TENM3: variants seen among roughly 807,000 people sequenced by gnomAD.
The protein encoded by TENM3 is teneurin transmembrane protein 3.
In TENM3, 63 loss-of-function variants were observed where a neutral mutation model predicts 255.1. That is an observed-to-expected ratio of 0.25 (90% CI 0.20 to 0.30). TENM3 has a LOEUF of 0.30. Among genes scored for constraint, TENM3 ranks in the 10% least tolerant of loss-of-function variants. TENM3 has a pLI of 1.00. For synonymous variants in TENM3, 1,306 were observed against 1,322.3 expected, an observed-to-expected ratio of 0.99 and a Z score of 0.27; for missense variants, 2,929 against 3,461.1, an observed-to-expected ratio of 0.85 and a Z score of 3.86.
the TENM3 span, among the ~76,000 whole-genome samples, chr4:181,924,759 G>C: frequency 2.0e-5 from 3 of 152,084 alleles, no homozygotes; most frequent in East Asian, 3.9e-4. Context: ...CTCCTCCAGA[G>C]ACCTGAACAC....
Position 182,799,955 on chromosome 4 carries a change from C to G in TENM3, c.7704C>G (p.Arg2568=). Residue 2568 remains arginine, a synonymous_variant, in exon 28 of 28, where the codon CGC becomes CGG. Coordinates refer to ENST00000511685, the MANE Select transcript of TENM3 (RefSeq NM_001080477.4). The surrounding 1 kb of genome is among the most constrained non-coding windows in gnomAD (Gnocchi z 4.2). ...DLGTLRLTSG[R]KALENGINVT... ...GCACGCTGCGGTTGACCAGCGGCCG[C>G]AAGGCGCTGGAGAACGGCATCAACG... The G allele has an allele frequency of 6.3e-7, 1 of 1,593,156 alleles. No individual in the cohort carries two copies. The highest frequency in any genetic ancestry group is 8.5e-7 in the Non-Finnish European group (1 of 1,170,420).
the TENM3 span, among the ~76,000 whole-genome samples, chr4:181,532,428 C>T: frequency 6.6e-6 from 1 of 152,086 alleles, no homozygotes; most frequent in Admixed American, 6.6e-5. Flanking sequence ...GAAGGTGATT[C>T]ATCATGCCAT....
At chr4:181,531,255 C>G in the TENM3 span, among the ~76,000 whole-genome samples, 1 of 152,094 alleles carries the variant, frequency 6.6e-6, no homozygotes, top group African/African-American at 2.4e-5. Flanking sequence ...CAGAAACTCA[C>G]GATGATCATC....
the TENM3 span, among the ~76,000 whole-genome samples, chr4:181,892,535 A>G: frequency 1.3e-5 from 2 of 152,212 alleles, no homozygotes; most frequent in African/African-American, 4.8e-5. Flanking sequence ...AAGGGTCCGT[A>G]TGAACTGGTC....
chr4:182,405,533 T>G (rs1769507807), intron 3 of TENM3, among the ~76,000 whole-genome samples: 4 of 152,182 alleles, frequency 2.6e-5, no homozygotes, highest in Admixed American at 2.6e-4. Flanking sequence ...AAGAAAGAAT[T>G]AACAAAGAAT....
chr4:181,850,950 G>A, the TENM3 span, among the ~76,000 whole-genome samples: 4 of 152,156 alleles, frequency 2.6e-5, no homozygotes, highest in East Asian at 1.9e-4. Context: ...AGGTGAAGCC[G>A]TTTCATCTCC....
At chr4:182,505,916 TAAAGC>T (rs1029995867) in intron 3 of TENM3, among the ~76,000 whole-genome samples, 3 of 152,224 alleles carry the variant, frequency 2.0e-5, no homozygotes, top group Admixed American at 2.0e-4. Context: ...TTCTTCCTGT[TAAAGC>T]AAAGCATTAA....
intron 19 of TENM3, among the ~76,000 whole-genome samples, chr4:182,748,027 A>T (rs946912531): frequency 2.0e-5 from 3 of 152,282 alleles, no homozygotes; most frequent in South Asian, 2.1e-4. Flanking sequence ...TTCTTTGTGA[A>T]TATTTCTCTA....
intron 3 of TENM3, among the ~76,000 whole-genome samples, chr4:182,441,520 T>C (rs4861510): frequency 0.92 from 139,477 of 152,230 alleles, 64,069 homozygotes; most frequent in African/African-American, 0.95. Context: ...TTTTTTGAGA[T>C]GGAGTCTCGC....
chr4:181,492,573 T>C, the TENM3 span, among the ~76,000 whole-genome samples: 1 of 152,208 alleles, frequency 6.6e-6, no homozygotes, highest in Non-Finnish European at 1.5e-5. Context: ...TTAGTAAACA[T>C]CCTTGGCTGG....
Position 182,774,982 on chromosome 4 carries a change from C to T in TENM3, c.5133C>T (p.Gly1711=), listed in dbSNP as rs1764561780. Residue 1711 remains glycine (G), a synonymous_variant, in exon 24 of 28, where the codon GGC becomes GGT. Coordinates refer to ENST00000511685, the MANE Select transcript of TENM3 (RefSeq NM_001080477.4). ...CCCTCAGAATTATCTACGCCAGTGG[C>T]CTGGACTCACACTACCAAACAGAGC... The part of the protein sequence containing the change: ...DGSLRIIYAS[G]LDSHYQTEPH... 6.2e-7 allele frequency: 1 copy of T among 1,613,842 alleles called. No homozygotes were observed. The highest frequency in any genetic ancestry group is 1.3e-5 in the African/African-American group (1 of 74,918).
the TENM3 span, among the ~76,000 whole-genome samples, chr4:181,569,344 C>A: frequency 9.0e-6 from 1 of 111,308 alleles, no homozygotes; most frequent in Non-Finnish European, 1.8e-5. Flanking sequence ...AAATTAAAAT[C>A]TGACTTATTT....
At chr4:182,382,077 A>AT (rs1767612321) in intron 3 of TENM3, among the ~76,000 whole-genome samples, 2 of 152,140 alleles carry the variant, frequency 1.3e-5, no homozygotes, top group South Asian at 4.1e-4. Context: ...AGGGAATTAT[A>AT]TGGTAGTTTG....
chr4:182,533,807 G>A (rs903517415), intron 3 of TENM3, among the ~76,000 whole-genome samples: 1 of 151,940 alleles, frequency 6.6e-6, no homozygotes, highest in Admixed American at 6.6e-5. Flanking sequence ...CCATCTACTT[G>A]GGAGGCTGAG....
chr4:181,945,516 A>G, the TENM3 span, among the ~76,000 whole-genome samples: 3 of 152,032 alleles, frequency 2.0e-5, no homozygotes, highest in African/African-American at 7.2e-5. Flanking sequence ...CCTCAATTTT[A>G]GTTCCGATTG....
intron 4 of TENM3, among the ~76,000 whole-genome samples, chr4:182,615,131 G>T (rs1328343004): frequency 1.4e-5 from 2 of 144,582 alleles, no homozygotes; most frequent in South Asian, 2.2e-4. Flanking sequence ...GATTATATTT[G>T]TGTGTGTGTG....
At chr4:182,155,266 A>G (rs1042003415) in intron 1 of TENM3, among the ~76,000 whole-genome samples, 6 of 152,176 alleles carry the variant, frequency 3.9e-5, no homozygotes, top group Non-Finnish European at 8.8e-5. Flanking sequence ...TTAAAAGAGT[A>G]GTAAAGTTCA....
chr4:182,537,874 A>G (rs1740494062), intron 3 of TENM3, among the ~76,000 whole-genome samples: 1 of 152,124 alleles, frequency 6.6e-6, no homozygotes, highest in African/African-American at 2.4e-5. Context: ...ACTGAAATAT[A>G]TTTATATGAC....
At chr4:181,947,617 A>T in the TENM3 span, among the ~76,000 whole-genome samples, 1 of 152,210 alleles carries the variant, frequency 6.6e-6, no homozygotes, top group Non-Finnish European at 1.5e-5. Context: ...TTATAAAGTT[A>T]CAGCAAAATT....
Sources: allele counts gnomAD v4.1 joint callset (sites outside exome capture counted in the v4.1 genomes callset), GRCh38; gene constraint gnomAD v4.1.1; non-coding constraint Gnocchi (gnomAD v3.1); transcripts MANE v1.5; gene names NCBI Gene and HGNC (gene_info 2026-07-23, HGNC 2026-07-21).